The following MRPS28 variants were observed in gnomAD, a reference collection of about 807,000 sequenced individuals.
MRPS28 encodes the protein small ribosomal subunit protein bS1m.
MRPS28 carries 7 observed loss-of-function variants against 10.8 expected under a neutral mutation model. The observed-to-expected ratio is 0.65, with a 90% CI of 0.37 to 1.22. The LOEUF is 1.22. MRPS28 is among the 50% of genes most tolerant of loss of function. MRPS28 has a pLI of 0.02. For synonymous variants in MRPS28, 121 were observed against 93.3 expected (o/e 1.30, Z -1.71); for missense variants, 265 against 232.9 (o/e 1.14, Z -0.90).
At chr8:79,930,395 C>A (rs1481963319) in intron 2 of MRPS28, among the ~76,000 whole-genome samples, 1 of 152,188 alleles carries the variant, frequency 6.6e-6, no homozygotes, top group Admixed American at 6.5e-5. Context: ...TGTAACACTG[C>A]ACTACACTAA....
At chr8:79,943,465 T>A (rs1248726505) in intron 2 of MRPS28, among the ~76,000 whole-genome samples, 1 of 152,242 alleles carries the variant, frequency 6.6e-6, no homozygotes, top group African/African-American at 2.4e-5. Flanking sequence ...CAATGCTGAT[T>A]TCTAGTTTCA....
intron 2 of MRPS28, among the ~76,000 whole-genome samples, chr8:79,963,886 A>G (rs1807437412): frequency 6.6e-6 from 1 of 152,110 alleles, no homozygotes; most frequent in South Asian, 2.1e-4. Flanking sequence ...GTGAGAACTG[A>G]AAGTCACTAG....
intron 2 of MRPS28, among the ~76,000 whole-genome samples, chr8:79,934,358 AC>A (rs1436278331): frequency 1.8e-4 from 27 of 152,174 alleles, no homozygotes; most frequent in Admixed American, 3.9e-4. Flanking sequence ...TCCACCCTTT[AC>A]TAATTTTTAT....
chr8:79,998,516 G>A (rs1034354336), intron 2 of MRPS28, among the ~76,000 whole-genome samples: 2 of 152,048 alleles, frequency 1.3e-5, no homozygotes, highest in African/African-American at 4.8e-5. Context: ...TACTATTAAG[G>A]TCATGTCTTT....
chr8:79,981,407 C>T (rs543220478), intron 2 of MRPS28, among the ~76,000 whole-genome samples: 13 of 152,194 alleles, frequency 8.5e-5, no homozygotes, highest in Non-Finnish European at 1.8e-4. Context: ...AAATAAATTA[C>T]GTTCAGGAAA....
intron 2 of MRPS28, among the ~76,000 whole-genome samples, chr8:79,920,489 G>C (rs980330308): frequency 1.3e-5 from 2 of 152,158 alleles, no homozygotes; most frequent in African/African-American, 4.8e-5. Context: ...CATTCTAACT[G>C]GTGTGAGATG....
chr8:80,014,967 A>C (rs181633767), intron 1 of MRPS28, among the ~76,000 whole-genome samples: 11 of 152,344 alleles, frequency 7.2e-5, no homozygotes, highest in Admixed American at 5.9e-4. Flanking sequence ...AAGTGAATGC[A>C]GAGAACTACT....
chr8:80,015,193 T>A (rs1009088831), intron 1 of MRPS28, among the ~76,000 whole-genome samples: 10 of 152,208 alleles, frequency 6.6e-5, no homozygotes, highest in African/African-American at 2.4e-4. Context: ...AAAATCCCCT[T>A]GTACTTCAGA....
chr8:80,015,305 A>C (rs1809165854), intron 1 of MRPS28, among the ~76,000 whole-genome samples: 2 of 152,356 alleles, frequency 1.3e-5, no homozygotes, highest in South Asian at 4.1e-4. Flanking sequence ...TTTAATATAC[A>C]TTAAGCACAT....
chr8:80,024,805 T>A (rs1809457003), intron 1 of MRPS28, among the ~76,000 whole-genome samples: 1 of 152,186 alleles, frequency 6.6e-6, no homozygotes. Context: ...CCCTTGTTCT[T>A]CAGGAACTAC....
chr8:79,944,923 G>A (rs1399302381), intron 2 of MRPS28, among the ~76,000 whole-genome samples: 2 of 151,896 alleles, frequency 1.3e-5, no homozygotes, highest in African/African-American at 2.4e-5. Context: ...TCGAATTCCT[G>A]AACTCAAGCA....
intron 2 of MRPS28, among the ~76,000 whole-genome samples, chr8:79,957,548 A>C (rs1430236768): frequency 5.2e-5 from 1 of 19,282 alleles, no homozygotes; most frequent in Non-Finnish European, 1.1e-4. Flanking sequence ...TGTCTCTACA[A>C]AAAAAAAAAA....
At chr8:80,025,274 T>C (rs1224077828) in intron 1 of MRPS28, among the ~76,000 whole-genome samples, 2 of 152,196 alleles carry the variant, frequency 1.3e-5, no homozygotes, top group Non-Finnish European at 2.9e-5. Flanking sequence ...GTTTCCAATT[T>C]CTATATTTTG....
At chr8:79,939,526 A>G (rs1168198655) in intron 2 of MRPS28, among the ~76,000 whole-genome samples, 1 of 152,150 alleles carries the variant, frequency 6.6e-6, no homozygotes, top group Non-Finnish European at 1.5e-5. Context: ...TCCAATACAG[A>G]AATTTCTTTT....
chr8:79,956,501 T>C (rs1026816905), intron 2 of MRPS28: 1 of 152,150 alleles, frequency 6.6e-6, no homozygotes, highest in South Asian at 2.1e-4. Flanking sequence ...TTATTTTAGG[T>C]TCAGGGGTAC....
chr8:80,020,666 T>C (rs1343281591), intron 1 of MRPS28, among the ~76,000 whole-genome samples: 2 of 152,084 alleles, frequency 1.3e-5, no homozygotes, highest in East Asian at 1.9e-4. Context: ...TTGCAATCTA[T>C]ACTAGGGAAG....
chr8:79,968,237 A>G (rs1443113502), intron 2 of MRPS28, among the ~76,000 whole-genome samples: 1 of 152,116 alleles, frequency 6.6e-6, no homozygotes, highest in Non-Finnish European at 1.5e-5. Context: ...TTCAATTTCC[A>G]TAATTTCTAC....
intron 1 of MRPS28, among the ~76,000 whole-genome samples, chr8:80,020,557 G>C: frequency 6.6e-6 from 1 of 152,340 alleles, no homozygotes; most frequent in East Asian, 1.9e-4. Context: ...TTTTATCAAG[G>C]AGCCTTTTTA....
chr8:80,010,753 C>T (rs10113767), intron 1 of MRPS28, among the ~76,000 whole-genome samples: 1 of 152,134 alleles, frequency 6.6e-6, no homozygotes, highest in Admixed American at 6.5e-5. Context: ...AAGAAAGTCA[C>T]GACATTTGGC....
Sources: gnomAD v4.1 joint callset for allele counts (sites outside exome capture counted in the v4.1 genomes callset) on GRCh38, gnomAD v4.1.1 for gene constraint, MANE v1.5 for transcripts, NCBI Gene and HGNC (gene_info 2026-07-23, HGNC 2026-07-21) for gene names.